Variants in AGBL1 observed in about 807,000 individuals in gnomAD.
AGBL1 encodes AGBL carboxypeptidase 1, also known as cytosolic carboxypeptidase 4.
AGBL1 carries 130 observed loss-of-function variants against 118.9 expected under a neutral mutation model. The ratio of observed to expected loss-of-function variants is 1.09; its 90% CI spans 0.95 to 1.26. The LOEUF is 1.26. Ranked by LOEUF, AGBL1 falls within the 50% of genes most tolerant of loss-of-function variation. The pLI, the probability that AGBL1 is intolerant of heterozygous loss-of-function variation, is 0.00. For missense variants in AGBL1, 1,584 were observed against 1,298.1 expected (o/e 1.22, Z -3.38); for synonymous variants, 555 against 478.9 (o/e 1.16, Z -2.08).
intron 17 of AGBL1, among the ~76,000 whole-genome samples, chr15:86,348,507 C>T (rs2080574685): frequency 6.6e-6 from 1 of 152,182 alleles, no homozygotes; most frequent in Admixed American, 6.5e-5. Flanking sequence ...GGGCCAGGCG[C>T]CGTGGCTTAC....
chr15:86,705,418 A>G (rs1425787873), intron 22 of AGBL1, among the ~76,000 whole-genome samples: 2 of 152,168 alleles, frequency 1.3e-5, no homozygotes, highest in Non-Finnish European at 2.9e-5. Flanking sequence ...CCTCACTTGG[A>G]CAAGCATAAC....
chr15:86,806,969 T>C (rs2078723731), intron 22 of AGBL1, among the ~76,000 whole-genome samples: 1 of 152,148 alleles, frequency 6.6e-6, no homozygotes, highest in African/African-American at 2.4e-5. Context: ...CTGAATCTAA[T>C]TTATATTTTA....
intron 22 of AGBL1, among the ~76,000 whole-genome samples, chr15:86,762,468 A>G (rs907297372): frequency 3.3e-5 from 5 of 152,050 alleles, no homozygotes; most frequent in Non-Finnish European, 5.9e-5. Flanking sequence ...TAATATCCCA[A>G]TAGACTTTGA....
At chr15:86,116,937 C>G (rs1413089070) in intron 1 of AGBL1, among the ~76,000 whole-genome samples, 1 of 149,732 alleles carries the variant, frequency 6.7e-6, no homozygotes, top group East Asian at 1.9e-4. Context: ...TCAGAAACAC[C>G]TTTCTTTTCT....
At position 86,773,386 on chromosome 15, in the gene AGBL1, G is replaced by A. The variant is rs139652691; in HGVS notation, c.3158+98950G>A. On this transcript the variant is annotated intron_variant, in intron 22 of 22. Coordinates refer to ENST00000614907, the MANE Select transcript of AGBL1 (RefSeq NM_001386094.1). ...GAAATCTAACTCTTCCACATATGGA[G>A]CCAACCCATAGAAAGTGGATGTCAA... Among the ~76,000 whole-genome samples the A allele has an allele frequency of 2.0e-3, 298 of 152,058 alleles. 1 individual carries two copies. The highest frequency in any genetic ancestry group is 6.9e-3 in the African/African-American group (287 of 41,510).
intron 23 of AGBL1, among the ~76,000 whole-genome samples, chr15:86,968,612 G>T (rs1369528464): frequency 6.6e-6 from 1 of 151,822 alleles, no homozygotes; most frequent in African/African-American, 2.4e-5. Context: ...TCTTACCCTG[G>T]CATAAAAATG....
intron 21 of AGBL1, among the ~76,000 whole-genome samples, chr15:86,559,765 G>A (rs915334429): frequency 3.9e-5 from 6 of 152,042 alleles, no homozygotes; most frequent in African/African-American, 1.4e-4. Context: ...ACAGCTAGAA[G>A]TTTTCTGAGC....
chr15:86,625,456 A>G lies in AGBL1; in HGVS notation c.2995-48817A>G, dbSNP rs2084873315. Among the ~76,000 whole-genome samples the G allele has an allele frequency of 2.0e-5, 3 of 149,044 alleles. No homozygotes were observed. The South Asian group carries it at 6.4e-4, about 32-fold the overall frequency. On this transcript the variant is annotated intron_variant, in intron 21 of 22. Transcript: ENST00000614907. ...TAAAAGAAGGTAATCAAAAGAGAAT[A>G]CAGAGGAGACATTTTAATCCAGATC... is the stretch of plus-strand genomic sequence containing the variant.
In AGBL1 at chr15:86,861,118, A is replaced by G. The variant is rs142813725; in HGVS notation, c.3159-45969A>G. Among the ~76,000 whole-genome samples the G allele has an allele frequency of 3.3e-3, 504 of 151,998 alleles. 1 individual carries two copies. Among genetic ancestry groups the G allele is most frequent in the African/African-American group, 0.012 (492 of 41,442 alleles). The stretch of plus-strand genomic sequence containing the variant: ...TTCACCTTTTTCCAAGCTCCCAGGC[A>G]CTCCTGAAGGTCACTGCTCCCAAAT... On this transcript the variant is annotated intron_variant, in intron 22 of 22. Transcript: ENST00000614907.
At chr15:86,825,652 A>G (rs1352917215) in intron 22 of AGBL1, among the ~76,000 whole-genome samples, 3 of 138,604 alleles carry the variant, frequency 2.2e-5, no homozygotes, top group Non-Finnish European at 4.7e-5. Context: ...GAAAGAAAGG[A>G]AGGGAAGGGA....
At chr15:86,870,229 A>G (rs1019867813) in intron 22 of AGBL1, among the ~76,000 whole-genome samples, 3 of 152,134 alleles carry the variant, frequency 2.0e-5, no homozygotes, top group African/African-American at 7.2e-5. Flanking sequence ...TTAATGCTTT[A>G]TATAGACTAA....
At chr15:86,153,962 C>T (rs950279244) in intron 3 of AGBL1, among the ~76,000 whole-genome samples, 11 of 152,036 alleles carry the variant, frequency 7.2e-5, no homozygotes, top group African/African-American at 1.7e-4. Flanking sequence ...ATTAAAAATA[C>T]GTGTGTAATT....
At chr15:86,552,524 C>G (rs555910398) in intron 20 of AGBL1, among the ~76,000 whole-genome samples, 7 of 152,156 alleles carry the variant, frequency 4.6e-5, no homozygotes, top group African/African-American at 1.4e-4. Context: ...GACCAGCCCC[C>G]CAGGGGTCTG....
intron 18 of AGBL1, among the ~76,000 whole-genome samples, 161 bp from the exon 19 acceptor site, chr15:86,522,649 A>C (rs2083204361): frequency 6.6e-6 from 1 of 152,232 alleles, no homozygotes; most frequent in Non-Finnish European, 1.5e-5. Context: ...CTTAAAGGAC[A>C]GATCTACAGC....
In AGBL1 at chr15:86,509,864, AAAC is replaced by A. The variant is rs2083031699; in HGVS notation, c.2556-12941_2556-12939del. Reference sequence around the variant, plus strand: ...AAAAACAACAACAGCAAAACAAACAAAACAACATCTCTGAGCCAACCAAAACTA... The same window carrying A: ...AAAAACAACAACAGCAAAACAAACAAAACATCTCTGAGCCAACCAAAACTA... On this transcript the variant is annotated intron_variant, in intron 18 of 22. Transcript: ENST00000614907. Among the ~76,000 whole-genome samples, 3 of 152,066 alleles carry A rather than the reference AAAC, an allele frequency of 2.0e-5. No individual in the cohort carries two copies. The South Asian group carries it at 6.2e-4, about 32-fold the overall frequency.
intron 18 of AGBL1, among the ~76,000 whole-genome samples, chr15:86,429,034 T>C (rs1296523739): frequency 6.6e-6 from 1 of 152,194 alleles, no homozygotes; most frequent in Non-Finnish European, 1.5e-5. Flanking sequence ...GCTGCTGGTT[T>C]CACAGAAGTT....
intron 17 of AGBL1, among the ~76,000 whole-genome samples, chr15:86,388,189 C>T (rs1043348402): frequency 6.6e-6 from 1 of 152,184 alleles, no homozygotes; most frequent in Admixed American, 6.5e-5. Flanking sequence ...AGCCAGCTCA[C>T]ACTTCGTTGT....
Position 86,264,423 on chromosome 15 carries a change from A to G in AGBL1, c.1252A>G (p.Arg418Gly). The G allele has an allele frequency of 1.9e-6, 3 of 1,614,016 alleles. No individual in the cohort carries two copies. The highest frequency in any genetic ancestry group is 2.5e-6 in the Non-Finnish European group (3 of 1,179,892). The change falls in exon 11 of 23, where the codon AGG becomes GGG. Residue 418 changes from arginine to glycine, a missense_variant. Physicochemically the swap from Arg to Gly is moderately radical, Grantham distance 125. Transcript: ENST00000614907. The stretch of plus-strand genomic sequence containing the variant: ...TGCTGTCCAGACTTCCCTTCTGTGC[A>G]GGGTGAAGACGGGAAGGTCCACTGT... ...EYAVQTSLLCRVKTGRSTVHL... is the reference protein window; with the variant it reads ...EYAVQTSLLCGVKTGRSTVHL...
At chr15:86,997,022 A>C (rs2141752683) in intron 24 of AGBL1, among the ~76,000 whole-genome samples, 1 of 152,096 alleles carries the variant, frequency 6.6e-6, no homozygotes, top group East Asian at 1.9e-4. Context: ...AATTGAAAAC[A>C]AAAAATAAGA....
Sources: allele counts gnomAD v4.1 joint callset (sites outside exome capture counted in the v4.1 genomes callset), GRCh38; gene constraint gnomAD v4.1.1; transcripts MANE v1.5; gene names NCBI Gene and HGNC (gene_info 2026-07-23, HGNC 2026-07-21).